APBA2: variants seen among roughly 807,000 people sequenced by gnomAD.
The protein encoded by APBA2 is amyloid-beta A4 precursor protein-binding family A member 2.
A neutral mutation model predicts 75.0 loss-of-function variants in APBA2; 30 were observed. The observed-to-expected ratio is 0.40, with a 90% confidence interval of 0.30 to 0.54. The LOEUF is 0.54. APBA2 is among the 20% of genes least tolerant of loss of function. The pLI is 0.49. For synonymous variants in APBA2, 444 were observed against 409.6 expected, an observed-to-expected ratio of 1.08 and a Z score of -1.01; for missense variants, 801 against 1,016.1, an observed-to-expected ratio of 0.79 and a Z score of 2.88.
intron 13 of APBA2, among the ~76,000 whole-genome samples, chr15:29,111,990 C>T (rs1009803439): frequency 5.3e-5 from 8 of 152,168 alleles, no homozygotes; most frequent in Non-Finnish European, 7.4e-5. Context: ...CCTGGAACCC[C>T]GGGCTCCTGC....
intron 2 of APBA2, among the ~76,000 whole-genome samples, chr15:28,985,419 C>A (rs1250945601): frequency 6.6e-6 from 1 of 152,176 alleles, no homozygotes; most frequent in Non-Finnish European, 1.5e-5. Context: ...AAGCCGAGGT[C>A]AGAGAGCACT....
At chr15:28,929,457 A>G (rs910522453) in intron 2 of APBA2, among the ~76,000 whole-genome samples, 4 of 152,148 alleles carry the variant, frequency 2.6e-5, no homozygotes, top group Admixed American at 1.3e-4. Context: ...TAGAGGAGTG[A>G]CCACTCAGAT....
Position 29,117,365 on chromosome 15 carries a change from G to A in APBA2, c.*232G>A. ...AATGTTTGTTTGTAAAGCGTTCCAA[G>A]TATTTTGCCACGTTCTGGACTGTCT... On this transcript the variant is annotated 3_prime_UTR_variant, in exon 15 of 15. Transcript: ENST00000683413. The A allele has an allele frequency of 1.7e-6, 1 of 590,196 alleles. No homozygotes were observed. The allele number at this position is 590,196 out of a possible 1,614,324, so 36.6% of individuals were successfully genotyped here.
chr15:29,037,356 G>C (rs2040803415), intron 3 of APBA2, among the ~76,000 whole-genome samples: 1 of 152,172 alleles, frequency 6.6e-6, no homozygotes, highest in Non-Finnish European at 1.5e-5. Context: ...TAGCCACCGT[G>C]TACAGAAAGT....
chr15:29,053,798 G>T, intron 3 of APBA2, 47 bp from the exon 4 acceptor site: 1 of 1,249,146 alleles, frequency 8.0e-7, no homozygotes. Flanking sequence ...ACATGGCTGG[G>T]CTTTGTGGGG....
chr15:29,047,378 C>T (rs995567933), intron 3 of APBA2, among the ~76,000 whole-genome samples: 12 of 152,114 alleles, frequency 7.9e-5, no homozygotes, highest in Admixed American at 6.5e-5. Flanking sequence ...TGGTGAAAAA[C>T]GGGATCATTA....
intron 2 of APBA2, among the ~76,000 whole-genome samples, chr15:28,992,816 C>T (rs1323463339): frequency 6.6e-6 from 1 of 152,146 alleles, no homozygotes; most frequent in African/African-American, 2.4e-5. Flanking sequence ...ATCCTCCAAA[C>T]AAAAATAAAG....
intron 2 of APBA2, among the ~76,000 whole-genome samples, chr15:28,970,009 T>A (rs1041187939): frequency 6.6e-6 from 1 of 152,202 alleles, no homozygotes; most frequent in African/African-American, 2.4e-5. Flanking sequence ...TTCAAGGTGA[T>A]ACATGATTTT....
intron 1 of APBA2, among the ~76,000 whole-genome samples, chr15:28,902,245 G>T (rs536555998): frequency 6.6e-6 from 1 of 152,116 alleles, no homozygotes; most frequent in Admixed American, 6.5e-5. Context: ...CACATGCCCT[G>T]GGTGCTGTGG....
intron 6 of APBA2, among the ~76,000 whole-genome samples, chr15:29,090,935 T>G (rs982672303): frequency 8.6e-5 from 13 of 151,896 alleles, no homozygotes; most frequent in African/African-American, 3.1e-4. Flanking sequence ...ATACACGCTC[T>G]CCAAGCCCCC....
intron 10 of APBA2, 31 bp downstream of exon 10, chr15:29,101,815 C>T (rs1239624649): frequency 6.2e-7 from 1 of 1,605,362 alleles, no homozygotes; most frequent in Non-Finnish European, 8.5e-7. Context: ...GCACTCCCCT[C>T]CCAAAGTTCA....
intron 4 of APBA2, among the ~76,000 whole-genome samples, chr15:29,064,354 G>A (rs972554168): frequency 9.9e-5 from 15 of 152,184 alleles, no homozygotes; most frequent in African/African-American, 2.7e-4. Flanking sequence ...CTCTGGCATG[G>A]CCCTTGCAAA....
chr15:29,106,001 G>A (rs2044384155), intron 11 of APBA2, among the ~76,000 whole-genome samples: 1 of 152,208 alleles, frequency 6.6e-6, no homozygotes. Flanking sequence ...CCTGGGGATG[G>A]CCCATACCTG....
At chr15:28,935,864 A>G (rs1450054600) in intron 2 of APBA2, among the ~76,000 whole-genome samples, 1 of 152,228 alleles carries the variant, frequency 6.6e-6, no homozygotes, top group Non-Finnish European at 1.5e-5. Context: ...ATGTTCTTTA[A>G]CAATAGGTTA....
At chr15:28,935,669 C>T (rs1477177058) in intron 2 of APBA2, among the ~76,000 whole-genome samples, 1 of 152,214 alleles carries the variant, frequency 6.6e-6, no homozygotes, top group Non-Finnish European at 1.5e-5. Context: ...CTCAGCCTCT[C>T]TCCAGACACT....
At chr15:28,990,335 G>C (rs1163886706) in intron 2 of APBA2, 1 of 151,628 alleles carries the variant, frequency 6.6e-6, no homozygotes, top group East Asian at 1.9e-4. Flanking sequence ...GCTTGAACCC[G>C]GGGTGGGAGA....
chr15:28,897,543 G>T (rs907322596), intron 1 of APBA2, among the ~76,000 whole-genome samples: 2 of 149,184 alleles, frequency 1.3e-5, no homozygotes, highest in African/African-American at 4.9e-5. Flanking sequence ...ACCTGAACCC[G>T]GGAGGTGGAG....
At chr15:28,962,473 G>A (rs2036529606) in intron 2 of APBA2, among the ~76,000 whole-genome samples, 1 of 152,162 alleles carries the variant, frequency 6.6e-6, no homozygotes, top group African/African-American at 2.4e-5. Context: ...GGAGGCTGAG[G>A]CAGGGGAATC....
chr15:28,895,476 G>A (rs1032230374), intron 1 of APBA2: 4 of 152,372 alleles, frequency 2.6e-5, no homozygotes, highest in Non-Finnish European at 4.4e-5. Flanking sequence ...CCATGGCCTC[G>A]ATGTGCCAGG....
Sources: allele counts gnomAD v4.1 joint callset (sites outside exome capture counted in the v4.1 genomes callset), GRCh38; gene constraint gnomAD v4.1.1; transcripts MANE v1.5; gene names NCBI Gene and HGNC (gene_info 2026-07-23, HGNC 2026-07-21).